Variants in C12orf42 observed in about 807,000 individuals in gnomAD.
The protein encoded by C12orf42 is uncharacterized protein C12orf42.
Under a neutral mutation model 21.6 loss-of-function variants are expected in C12orf42, and 25 were observed. That is an observed-to-expected ratio of 1.16 (90% CI 0.84 to 1.62). The LOEUF (loss-of-function observed/expected upper bound fraction) is 1.62, where lower values mean the gene tolerates loss of function less well. C12orf42 is among the 40% of genes most tolerant of loss of function. The probability of loss-of-function intolerance (pLI) is 0.00; values close to 1 mark genes in which losing one functional copy is unlikely to be tolerated. For missense variants in C12orf42, 483 were observed against 459.3 expected (o/e 1.05, Z -0.47); for synonymous variants, 174 against 175.0 (o/e 0.99, Z 0.05).
chr12:103,437,700 A>G (rs1191804363), intron 2 of C12orf42, among the ~76,000 whole-genome samples: 2 of 150,636 alleles, frequency 1.3e-5, no homozygotes, highest in East Asian at 3.9e-4. Context: ...CCAAAACTAA[A>G]CCAGGAAGAA....
chr12:103,518,536 G>T, the C12orf42 span, among the ~76,000 whole-genome samples: 3 of 152,216 alleles, frequency 2.0e-5, no homozygotes, highest in Admixed American at 6.6e-5. Context: ...GTCTTATATG[G>T]GTGGTCCCAA....
chr12:103,481,274 G>T (rs1218432513), intron 1 of C12orf42, among the ~76,000 whole-genome samples: 1 of 151,850 alleles, frequency 6.6e-6, no homozygotes, highest in Non-Finnish European at 1.5e-5. Context: ...TATGTATGTG[G>T]CTGAAGAAAT....
At chr12:103,412,331 T>C (rs1367521280) in intron 2 of C12orf42, among the ~76,000 whole-genome samples, 2 of 152,230 alleles carry the variant, frequency 1.3e-5, no homozygotes, top group Admixed American at 6.5e-5. Flanking sequence ...AATATTGTGA[T>C]ATACACACAT....
intron 4 of C12orf42, among the ~76,000 whole-genome samples, chr12:103,293,550 C>G (rs1222076404): frequency 1.3e-5 from 2 of 152,266 alleles, no homozygotes; most frequent in Non-Finnish European, 2.9e-5. Flanking sequence ...CCAACCAGAA[C>G]TGATCTCTCC....
At chr12:103,186,462 C>A in the C12orf42 span, among the ~76,000 whole-genome samples, 2 of 152,082 alleles carry the variant, frequency 1.3e-5, no homozygotes, top group African/African-American at 4.8e-5. Flanking sequence ...AGCTGACATG[C>A]GTTCAAAAGT....
At chr12:103,510,422 G>A in the C12orf42 span, among the ~76,000 whole-genome samples, 1 of 152,176 alleles carries the variant, frequency 6.6e-6, no homozygotes, top group East Asian at 1.9e-4. Context: ...CTGCTTGGGT[G>A]ATGGGCACAC....
At chr12:103,557,072 C>T in the C12orf42 span, among the ~76,000 whole-genome samples, 1 of 152,082 alleles carries the variant, frequency 6.6e-6, no homozygotes, top group South Asian at 2.1e-4. Context: ...TCCTTTAAGC[C>T]ACTAGATTTG....
At chr12:103,452,875 A>G (rs1425428156) in intron 2 of C12orf42, among the ~76,000 whole-genome samples, 1 of 144,974 alleles carries the variant, frequency 6.9e-6, no homozygotes, top group Admixed American at 6.8e-5. Flanking sequence ...GGGGCCTGTC[A>G]TGGGGTGGGG....
chr12:103,268,739 G>A (rs1034492333), exon 7 of C12orf42: 2 of 152,064 alleles, frequency 1.3e-5, no homozygotes, highest in African/African-American at 4.8e-5. Flanking sequence ...TTGGAGTGAG[G>A]CTGTAAAAGG....
intron 2 of C12orf42, among the ~76,000 whole-genome samples, chr12:103,431,786 C>T (rs1332623493): frequency 6.6e-6 from 1 of 152,184 alleles, no homozygotes; most frequent in African/African-American, 2.4e-5. Context: ...CCAAGTCACA[C>T]AGCACCAAAG....
At chr12:103,489,262 G>C (rs534932054) in intron 1 of C12orf42, among the ~76,000 whole-genome samples, 78 of 152,344 alleles carry the variant, frequency 5.1e-4, no homozygotes, top group African/African-American at 1.7e-3. Context: ...CTGTTTGCCT[G>C]GGTATCACCA....
At chr12:103,470,495 T>A (rs1156789591) in intron 2 of C12orf42, among the ~76,000 whole-genome samples, 1 of 152,204 alleles carries the variant, frequency 6.6e-6, no homozygotes, top group African/African-American at 2.4e-5. Flanking sequence ...ATTTTGCTTG[T>A]TACCACGCCT....
chr12:103,151,212 C>A, the C12orf42 span, among the ~76,000 whole-genome samples: 1 of 152,142 alleles, frequency 6.6e-6, no homozygotes, highest in Admixed American at 6.5e-5. Flanking sequence ...CAGGCGTGAG[C>A]CACCACACCC....
intron 3 of C12orf42, among the ~76,000 whole-genome samples, chr12:103,383,122 C>CTTT (rs10552452): frequency 3.4e-5 from 5 of 148,284 alleles, no homozygotes; most frequent in African/African-American, 2.5e-5. Flanking sequence ...CTGACTCATT[C>CTTT]TTTTTTTTTT....
At chr12:103,099,012 G>T in the C12orf42 span, among the ~76,000 whole-genome samples, 1 of 151,698 alleles carries the variant, frequency 6.6e-6, no homozygotes, top group African/African-American at 2.4e-5. Context: ...ATCTTAAGAG[G>T]AAAACAAAAA....
intron 4 of C12orf42, among the ~76,000 whole-genome samples, chr12:103,288,661 G>A (rs185026304): frequency 1.3e-5 from 2 of 152,008 alleles, no homozygotes; most frequent in Admixed American, 1.3e-4. Flanking sequence ...CACTATGTTA[G>A]ACGTGTAAAA....
At position 103,337,346 on chromosome 12, in the gene C12orf42, T is replaced by G. The variant is rs532677418; in HGVS notation, c.260-31001A>C. The stretch of plus-strand genomic sequence containing the variant: ...ACAGAAAACCTGTGGGGCAAGGTTT[T>G]TTTGTTTGTTTGTTTGTTTGTTTTT... On this transcript the variant is annotated intron_variant, in intron 4 of 5. Coordinates refer to ENST00000548883, the MANE Select transcript of C12orf42 (RefSeq NM_198521.5). 8.5e-5 allele frequency among the ~76,000 whole-genome samples: 13 copies of G among 152,068 alleles called. No individual in the cohort carries two copies. In the East Asian group the frequency reaches 1.4e-3, roughly 16 times the overall value.
At chr12:103,097,265 A>G in the C12orf42 span, among the ~76,000 whole-genome samples, 3 of 152,056 alleles carry the variant, frequency 2.0e-5, no homozygotes, top group Non-Finnish European at 4.4e-5. Context: ...GGGTTTGGAG[A>G]TGATTTTAGT....
At chr12:103,552,175 A>G in the C12orf42 span, among the ~76,000 whole-genome samples, 1 of 152,194 alleles carries the variant, frequency 6.6e-6, no homozygotes, top group African/African-American at 2.4e-5. Context: ...GTTAGGTGAC[A>G]TGCTGTAGAA....
Sources: gnomAD v4.1 joint callset for allele counts (sites outside exome capture counted in the v4.1 genomes callset) on GRCh38, gnomAD v4.1.1 for gene constraint, MANE v1.5 for transcripts, NCBI Gene and HGNC (gene_info 2026-07-23, HGNC 2026-07-21) for gene names.